The following BDNF variants were observed in gnomAD, a reference collection of about 807,000 sequenced individuals.
The protein encoded by BDNF is neurotrophic factor BDNF precursor form.
Under a neutral mutation model 19.5 loss-of-function variants are expected in BDNF, and 1 was observed. The ratio of observed to expected loss-of-function variants is 0.05; its 90% confidence interval spans 0.02 to 0.24. The LOEUF (loss-of-function observed/expected upper bound fraction) is 0.24. Ranked by LOEUF, BDNF falls within the 10% of genes least tolerant of loss-of-function variation. The probability of loss-of-function intolerance (pLI) is 1.00; values close to 1 mark genes in which losing one functional copy is unlikely to be tolerated. For synonymous variants in BDNF, 100 were observed against 121.6 expected, an observed-to-expected ratio of 0.82 and a Z score of 1.17; for missense variants, 195 against 317.6, an observed-to-expected ratio of 0.61 and a Z score of 2.93.
chr11:27,718,868 C>G (rs1860632468), intron 1 of BDNF, among the ~76,000 whole-genome samples: 1 of 152,096 alleles, frequency 6.6e-6, no homozygotes, highest in Non-Finnish European at 1.5e-5. Context: ...CTACGTTCCC[C>G]TCACCCCTAC....
At chr11:27,688,948 C>T (rs941150949) in intron 1 of BDNF, among the ~76,000 whole-genome samples, 1 of 152,188 alleles carries the variant, frequency 6.6e-6, no homozygotes, top group African/African-American at 2.4e-5. Flanking sequence ...AGGAACAATA[C>T]ATCAAAAGTC....
chr11:27,663,868 C>A (rs978270902), intron 1 of BDNF, among the ~76,000 whole-genome samples: 10 of 152,084 alleles, frequency 6.6e-5, no homozygotes, highest in Non-Finnish European at 1.0e-4. Flanking sequence ...TTAATCATGA[C>A]CAAGATCCTT....
upstream of BDNF, among the ~76,000 whole-genome samples, chr11:27,704,369 G>A (rs759383092): frequency 1.3e-5 from 2 of 152,106 alleles, no homozygotes; most frequent in African/African-American, 4.8e-5. Flanking sequence ...TATTCTTGTC[G>A]GGAAATATAA....
rs112937534 is a variant in BDNF at position 27,712,927 on chromosome 11, CTTTTTTT to C, written c.3+8478_3+8484del. Among the ~76,000 whole-genome samples the C allele has an allele frequency of 3.2e-4, 37 of 117,294 alleles. No homozygotes were observed. In the East Asian group the frequency reaches 6.9e-3, roughly 22 times the overall value. The allele number at this position is 117,294 out of a possible 152,430, so 76.9% of individuals were successfully genotyped here. A position where few individuals can be genotyped will look rare whatever the true frequency, so the allele number is the denominator to read the frequency against. ...TGAGCAATTCTTTCTTTCTTTCTTT[CTTTTTTT>C]TTTTTTTTTTTTTGCCAGGCTGGAG... On this transcript the variant is annotated intron_variant, in intron 1 of 1. Transcript: ENST00000314915.
chr11:27,672,310 T>C (rs1367048848), intron 1 of BDNF, among the ~76,000 whole-genome samples: 3 of 152,172 alleles, frequency 2.0e-5, no homozygotes. Flanking sequence ...CCCTGATCCC[T>C]GAACATAGCC....
intron 1 of BDNF, among the ~76,000 whole-genome samples, chr11:27,669,761 C>T (rs184012904): frequency 3.2e-4 from 48 of 152,080 alleles, no homozygotes; most frequent in East Asian, 7.7e-4. Context: ...TAAAAGAGGA[C>T]GCAAACAAAT....
At chr11:27,696,130 G>C (rs529948446) in intron 1 of BDNF, among the ~76,000 whole-genome samples, 1 of 152,172 alleles carries the variant, frequency 6.6e-6, no homozygotes, top group African/African-American at 2.4e-5. Flanking sequence ...AATCTTTACA[G>C]TGTAAATATT....
rs540864354 is a variant in BDNF at position 27,656,956 on chromosome 11, G to C, written c.*865C>G. 4.0e-4 allele frequency: 399 copies of C among 985,388 alleles called. No homozygotes were observed. The highest frequency in any genetic ancestry group is 8.0e-4 in the South Asian group (17 of 21,274). 61.0% of individuals were successfully genotyped at this position (985,388 alleles called of 1,614,324 possible). On this transcript the variant is annotated 3_prime_UTR_variant, in exon 2 of 2. Transcript: ENST00000356660. ...CAAAACAAAGAGGAGACCAGAGGGG[G>C]AGGGGGGGAAAGAATGTGTTCTGAG...
At chr11:27,676,372 C>T (rs1467410866) in intron 1 of BDNF, among the ~76,000 whole-genome samples, 1 of 152,046 alleles carries the variant, frequency 6.6e-6, no homozygotes, top group Admixed American at 6.6e-5. Context: ...ACCACTGTGC[C>T]CGGCTCCATT....
chr11:27,667,065 TC>T (rs1854476325), intron 1 of BDNF, among the ~76,000 whole-genome samples: 1 of 151,730 alleles, frequency 6.6e-6, no homozygotes, highest in Admixed American at 6.6e-5. Context: ...ACTAACAGCA[TC>T]TTTCGGCAGA....
chr11:27,691,432 TG>T (rs1482023094), intron 1 of BDNF, among the ~76,000 whole-genome samples: 11 of 152,176 alleles, frequency 7.2e-5, no homozygotes, highest in Non-Finnish European at 1.3e-4. Flanking sequence ...AATGAATTAA[TG>T]AAAGAACCAT....
chr11:27,683,263 T>C (rs532979937), intron 1 of BDNF, among the ~76,000 whole-genome samples: 124 of 152,346 alleles, frequency 8.1e-4, no homozygotes, highest in African/African-American at 2.8e-3. Context: ...GTTGTTTTTT[T>C]TCTTGTAAAC....
At chr11:27,696,417 G>GT (rs1186905657) in intron 1 of BDNF, 1 of 152,216 alleles carries the variant, frequency 6.6e-6, no homozygotes, top group Non-Finnish European at 1.5e-5. Context: ...AAGCTCATCT[G>GT]TGCATGTTAT....
rs1211239961 is a variant in BDNF, at chr11:27,658,052, A to G, written c.513T>C (p.Pro171=). ...GGTVTVLEKV[P]VSKGQLKQYF... is the part of the protein sequence containing the mutation. ...ATTGCTTCAGTTGGCCTTTTGATAC[A>G]GGGACCTTTTCAAGGACTGTGACCG... The change falls in exon 2 of 2, where the codon CCT becomes CCC. Residue 171 remains proline (P), a synonymous_variant. Transcript: ENST00000356660. This position sits in a 1 kb window ranked among gnomAD's most constrained non-coding sequence, Gnocchi z 5.7. The G allele has an allele frequency of 3.7e-6, 6 of 1,614,006 alleles. No individual in the cohort carries two copies. Among genetic ancestry groups the G allele is most frequent in the Non-Finnish European group, 5.1e-6 (6 of 1,180,040 alleles).
At chr11:27,669,928 CA>C in intron 1 of BDNF, among the ~76,000 whole-genome samples, 1 of 152,206 alleles carries the variant, frequency 6.6e-6, no homozygotes, top group Non-Finnish European at 1.5e-5. Context: ...CATATGGAAC[CA>C]AAAAAGAGCC....
chr11:27,685,528 G>C (rs1857372255), intron 1 of BDNF, among the ~76,000 whole-genome samples: 1 of 152,080 alleles, frequency 6.6e-6, no homozygotes, highest in Admixed American at 6.5e-5. Context: ...TTTCTCCTGT[G>C]GGCATTTATT....
At chr11:27,709,446 TA>T (rs1342780021) in intron 1 of BDNF, among the ~76,000 whole-genome samples, 1 of 152,214 alleles carries the variant, frequency 6.6e-6, no homozygotes, top group African/African-American at 2.4e-5. Context: ...AGAATGCTAT[TA>T]AAGTGTTGTT....
intron 1 of BDNF, chr11:27,674,556 A>G (rs891986141): frequency 1.0e-6 from 1 of 985,302 alleles, no homozygotes. Context: ...CAGAACTACT[A>G]TAAAATATAA....
intron 1 of BDNF, among the ~76,000 whole-genome samples, chr11:27,661,230 A>ACTGT (rs1336305894): frequency 6.7e-6 from 1 of 150,004 alleles, no homozygotes; most frequent in African/African-American, 2.5e-5. Context: ...ATTCTAACTA[A>ACTGT]CTGTCTACTC....
Sources: gnomAD v4.1 joint callset for allele counts (sites outside exome capture counted in the v4.1 genomes callset) on GRCh38, gnomAD v4.1.1 for gene constraint, Gnocchi (gnomAD v3.1) non-coding constraint, MANE v1.5 for transcripts, NCBI Gene and HGNC (gene_info 2026-07-23, HGNC 2026-07-21) for gene names.